CDH4: variants seen among roughly 807,000 people sequenced by gnomAD.
CDH4 encodes cadherin 4.
CDH4 carries 33 observed loss-of-function variants against 86.0 expected under a neutral mutation model. The ratio of observed to expected loss-of-function variants is 0.38; its 90% CI spans 0.29 to 0.51. The LOEUF is 0.51. Among genes scored for constraint, CDH4 ranks in the 20% least tolerant of loss-of-function variants. The probability of loss-of-function intolerance (pLI) is 0.86; values close to 1 mark genes in which losing one functional copy is unlikely to be tolerated. For missense variants in CDH4, 1,114 were observed against 1,307.4 expected (o/e 0.85, Z 2.28); for synonymous variants, 555 against 549.4 (o/e 1.01, Z -0.14).
At chr20:61,640,260 C>T (rs531001372) in intron 2 of CDH4, among the ~76,000 whole-genome samples, 1 of 152,354 alleles carries the variant, frequency 6.6e-6, no homozygotes, top group African/African-American at 2.4e-5. Context: ...GAAGCCAGCT[C>T]AGAGAGCACG....
intron 2 of CDH4, among the ~76,000 whole-genome samples, chr20:61,494,319 A>G (rs561319772): frequency 2.4e-4 from 37 of 152,340 alleles, no homozygotes; most frequent in African/African-American, 8.7e-4. Context: ...GCTGAAATCT[A>G]TCAACTTGAA....
Position 61,293,924 on chromosome 20 carries a change from C to T in CDH4, c.169+38987C>T, listed in dbSNP as rs115576741. 9.1e-3 allele frequency among the ~76,000 whole-genome samples: 1,385 copies of T among 152,186 alleles called. 28 individuals are homozygous for T. Among genetic ancestry groups the T allele is most frequent in the African/African-American group, 0.032 (1,323 of 41,534 alleles). ...TTGCGGGTCCACTTTGTGGTCTGGA[C>T]ATGCCCGTAGGCACAGGGAAGCTGG... On this transcript the variant is annotated intron_variant, in intron 2 of 15. Coordinates refer to ENST00000614565, the MANE Select transcript of CDH4 (RefSeq NM_001794.5).
chr20:61,396,765 C>T (rs1027611970), intron 2 of CDH4, among the ~76,000 whole-genome samples: 1 of 152,206 alleles, frequency 6.6e-6, no homozygotes, highest in Non-Finnish European at 1.5e-5. Flanking sequence ...TCGCCATAGG[C>T]ACAGTGACCC....
At chr20:61,601,469 G>A (rs373344806) in intron 2 of CDH4, among the ~76,000 whole-genome samples, 5 of 152,110 alleles carry the variant, frequency 3.3e-5, no homozygotes, top group South Asian at 4.1e-4. Flanking sequence ...GCAGATCTCC[G>A]GAGTCACCTG....
At chr20:61,723,624 C>T (rs7270739) in intron 2 of CDH4, among the ~76,000 whole-genome samples, 6,746 of 152,288 alleles carry the variant, frequency 0.044, 524 homozygotes, top group African/African-American at 0.15. Flanking sequence ...GAGAAGTGAA[C>T]GCACCTGGGA....
At chr20:61,773,729 A>G (rs962712341) in intron 4 of CDH4, among the ~76,000 whole-genome samples, 2 of 152,226 alleles carry the variant, frequency 1.3e-5, no homozygotes, top group African/African-American at 2.4e-5. Context: ...CCCTTTGAAG[A>G]AAATTGCAGC....
At chr20:61,528,464 G>GAGGGGAA (rs2085928472) in intron 2 of CDH4, among the ~76,000 whole-genome samples, 2 of 90,842 alleles carry the variant, frequency 2.2e-5, no homozygotes, top group Non-Finnish European at 4.5e-5. Context: ...AGGGGGAGAG[G>GAGGGGAA]GAGGGGGAGG....
chr20:61,273,461 CCATGTGCAGTTTGGGGGAGTA>C (rs1338963880), intron 2 of CDH4, among the ~76,000 whole-genome samples: 7 of 31,012 alleles, frequency 2.3e-4, no homozygotes, highest in Non-Finnish European at 1.7e-4. Context: ...TGGGGGAGGA[CCATGTGCAGTTTGGGGGAGTA>C]TTGGGGGAGT....
chr20:61,631,569 C>T (rs893905089), intron 2 of CDH4, among the ~76,000 whole-genome samples: 2 of 152,094 alleles, frequency 1.3e-5, no homozygotes, highest in African/African-American at 2.4e-5. Context: ...CGCTTAACCT[C>T]GGGGGCAGAG....
chr20:61,527,812 A>G (rs1289924793), intron 2 of CDH4, among the ~76,000 whole-genome samples: 2 of 151,800 alleles, frequency 1.3e-5, no homozygotes, highest in African/African-American at 2.4e-5. Flanking sequence ...GTCCTACTGC[A>G]TGTGTGCCAC....
chr20:61,651,296 G>A (rs2087118235), intron 2 of CDH4, among the ~76,000 whole-genome samples: 1 of 152,250 alleles, frequency 6.6e-6, no homozygotes, highest in South Asian at 2.1e-4. Flanking sequence ...CAACGCTCAG[G>A]GAAGGACGAG....
chr20:61,761,858 G>A (rs2145970810), intron 3 of CDH4, among the ~76,000 whole-genome samples: 1 of 152,348 alleles, frequency 6.6e-6, no homozygotes, highest in African/African-American at 2.4e-5. Context: ...TCCTCTCACA[G>A]GAAGCTCCAG....
intron 3 of CDH4, among the ~76,000 whole-genome samples, chr20:61,752,199 G>A (rs1434244445): frequency 6.6e-6 from 1 of 152,022 alleles, no homozygotes; most frequent in Non-Finnish European, 1.5e-5. Flanking sequence ...AGGCATGGTG[G>A]TGCACACCTG....
At chr20:61,318,711 C>G (rs755930595) in intron 2 of CDH4, among the ~76,000 whole-genome samples, 1 of 152,314 alleles carries the variant, frequency 6.6e-6, no homozygotes, top group African/African-American at 2.4e-5. Context: ...GGTCAAGAAG[C>G]GTGTTGAGCT....
At chr20:61,277,253 T>G (rs1395139837) in intron 2 of CDH4, among the ~76,000 whole-genome samples, 1 of 152,248 alleles carries the variant, frequency 6.6e-6, no homozygotes, top group Admixed American at 6.5e-5. Context: ...CTACCTGAGC[T>G]AAGTAAGATG....
chr20:61,551,146 A>G (rs534158916), intron 2 of CDH4, among the ~76,000 whole-genome samples: 1 of 152,342 alleles, frequency 6.6e-6, no homozygotes, highest in South Asian at 2.1e-4. Flanking sequence ...AAGCACTTAG[A>G]TTTGCACATG....
chr20:61,429,125 T>G (rs1193215015), intron 2 of CDH4, among the ~76,000 whole-genome samples: 1 of 151,802 alleles, frequency 6.6e-6, no homozygotes, highest in Non-Finnish European at 1.5e-5. Context: ...TAATGACAGC[T>G]TATATTTAAA....
chr20:61,310,556 A>G (rs2123221809), intron 2 of CDH4, among the ~76,000 whole-genome samples: 1 of 152,248 alleles, frequency 6.6e-6, no homozygotes, highest in African/African-American at 2.4e-5. Context: ...GAGGAGGCGG[A>G]GCTCAGGCGG....
At chr20:61,362,856 G>A (rs28688816) in intron 2 of CDH4, among the ~76,000 whole-genome samples, 22,866 of 152,118 alleles carry the variant, frequency 0.15, 2,192 homozygotes, top group East Asian at 0.32. Context: ...GTCCAGCAAC[G>A]TGCATCATTG....
Sources: allele counts gnomAD v4.1 joint callset (sites outside exome capture counted in the v4.1 genomes callset), GRCh38; gene constraint gnomAD v4.1.1; transcripts MANE v1.5; gene names NCBI Gene and HGNC (gene_info 2026-07-23, HGNC 2026-07-21).